The following TEX30 variants were observed in gnomAD, a reference collection of about 807,000 sequenced individuals.
The protein encoded by TEX30 is testis-expressed protein 30.
In TEX30, 14 loss-of-function variants were observed where a neutral mutation model predicts 23.8. That is an observed-to-expected ratio of 0.59 (90% CI 0.39 to 0.92). The LOEUF (loss-of-function observed/expected upper bound fraction) is 0.92, where lower values mean the gene tolerates loss of function less well. TEX30 is among the 40% of genes least tolerant of loss of function. The pLI, the probability that TEX30 is intolerant of heterozygous loss-of-function variation, is 0.00. For missense variants in TEX30, 246 were observed against 270.6 expected (o/e 0.91, Z 0.64); for synonymous variants, 78 against 90.2 (o/e 0.87, Z 0.76).
chr13:102,767,241 T>A, intron 5 of TEX30, 32 bp downstream of exon 5: 3 of 1,595,752 alleles, frequency 1.9e-6, no homozygotes, highest in Non-Finnish European at 2.6e-6. Context: ...TTCATTCTCT[T>A]TCATTGACAC....
intron 3 of TEX30, among the ~76,000 whole-genome samples, chr13:102,768,667 C>G (rs1877082947): frequency 6.6e-6 from 1 of 152,156 alleles, no homozygotes; most frequent in Non-Finnish European, 1.5e-5. Flanking sequence ...TTCTAAAAAA[C>G]TTATTAGTAA....
At chr13:102,769,592 G>A in intron 2 of TEX30, 51 bp from the exon 3 acceptor site, 1 of 1,139,554 alleles carries the variant, frequency 8.8e-7, no homozygotes, top group South Asian at 1.4e-5. Context: ...TGCCTATTAA[G>A]ACAACTGAAC....
At chr13:102,767,540 T>C in intron 4 of TEX30, 62 bp from the exon 5 acceptor site, 6 of 1,524,172 alleles carry the variant, frequency 3.9e-6, no homozygotes, top group Non-Finnish European at 5.4e-6. Flanking sequence ...GTAGCAGTGA[T>C]GGTGTGGCAA....
Position 102,766,540 on chromosome 13 carries a change from T to C in TEX30, c.545A>G (p.His182Arg), listed in dbSNP as rs748415836. The change falls in exon 6 of 6, where the codon CAT (histidine) becomes CGT (arginine). Residue 182 changes from histidine (H) to arginine (R), a missense_variant. Coordinates refer to ENST00000376032, the MANE Select transcript of TEX30 (RefSeq NM_138779.5). ...EKVAQKMQAPHKIHWIEKANH... is the reference protein window; with the variant it reads ...EKVAQKMQAPRKIHWIEKANH... ...TGCCTTCTCAATCCAGTGGATTTTATGGGGAGCTTGCATTTTCTGTGCCAC... is the reference window on the plus strand; with the variant it reads ...TGCCTTCTCAATCCAGTGGATTTTACGGGGAGCTTGCATTTTCTGTGCCAC... 1.9e-6 allele frequency: 3 copies of C among 1,613,666 alleles called. No individual in the cohort carries two copies. The highest frequency in any genetic ancestry group is 1.3e-5 in the African/African-American group (1 of 74,946).
At chr13:102,766,867 C>T (rs570412621) in intron 5 of TEX30, among the ~76,000 whole-genome samples, 27 of 152,102 alleles carry the variant, frequency 1.8e-4, no homozygotes, top group Admixed American at 4.6e-4. Flanking sequence ...AAATTATATG[C>T]CCTGGGGAAT....
intron 3 of TEX30, among the ~76,000 whole-genome samples, chr13:102,769,048 T>C (rs541856780): frequency 6.6e-5 from 10 of 152,296 alleles, no homozygotes; most frequent in African/African-American, 2.2e-4. Flanking sequence ...TAAAGTTACA[T>C]AATTCCAGGG....
At chr13:102,770,587 G>A (rs1231152033) in intron 1 of TEX30, 1 of 152,174 alleles carries the variant, frequency 6.6e-6, no homozygotes, top group Non-Finnish European at 1.5e-5. Flanking sequence ...TACGTAACTT[G>A]TTTTAACTAA....
chr13:102,773,136 A>G (rs79462053), intron 1 of TEX30, among the ~76,000 whole-genome samples: 2,677 of 152,348 alleles, frequency 0.018, 64 homozygotes, highest in African/African-American at 0.056. Context: ...TTTCAGTTAC[A>G]AACGTTCGTG....
At chr13:102,772,011 T>C (rs992412966) in intron 1 of TEX30, among the ~76,000 whole-genome samples, 5 of 152,222 alleles carry the variant, frequency 3.3e-5, no homozygotes, top group African/African-American at 9.7e-5. Context: ...CAGCGTTTCC[T>C]TTCCTATTCT....
chr13:102,773,786 C>A lies in TEX30; in HGVS notation c.-165G>T, dbSNP rs994807892. On this transcript the variant is annotated 5_prime_UTR_variant, in exon 1 of 6. Coordinates refer to ENST00000376032, the MANE Select transcript of TEX30 (RefSeq NM_138779.5). ...GCCTCGCCTGCCCCGCCACAGCGTTCGGCTACGACGCACGCGCGCGCAGGC... is the reference window on the plus strand; with the variant it reads ...GCCTCGCCTGCCCCGCCACAGCGTTAGGCTACGACGCACGCGCGCGCAGGC... The A allele has an allele frequency of 6.6e-6, 1 of 152,194 alleles. No homozygotes were observed. Among genetic ancestry groups the A allele is most frequent in the Non-Finnish European group, 1.5e-5 (1 of 68,024 alleles). The allele number at this position is 152,194 out of a possible 1,614,324, so 9.4% of individuals were successfully genotyped here. A position where few individuals can be genotyped will look rare whatever the true frequency, so the allele number is the denominator to read the frequency against.
intron 3 of TEX30, 32 bp from the exon 4 acceptor site, chr13:102,768,343 C>T (rs1384439950): frequency 4.0e-6 from 6 of 1,498,188 alleles, no homozygotes; most frequent in Non-Finnish European, 4.6e-6. Context: ...CAGTTCTTCA[C>T]CTATAAAATA....
At chr13:102,767,869 C>A (rs937653813) in intron 4 of TEX30, among the ~76,000 whole-genome samples, 1 of 151,930 alleles carries the variant, frequency 6.6e-6, no homozygotes, top group Non-Finnish European at 1.5e-5. Flanking sequence ...GCCGAGATGG[C>A]GCCACTGCAC....
intron 2 of TEX30, 164 bp downstream of exon 2, chr13:102,769,848 G>A: frequency 1.7e-6 from 1 of 573,600 alleles, no homozygotes; most frequent in Admixed American, 3.9e-5. Flanking sequence ...CGCTAGCTAG[G>A]ATTTAAACTC....
Position 102,769,537 on chromosome 13 carries a change from T to G in TEX30, c.20A>C (p.Lys7Thr). 1 of 1,572,258 alleles carries G rather than the reference T, an allele frequency of 6.4e-7. No individual in the cohort carries two copies. Residue 7 changes from lysine (K) to threonine (T), a missense_variant, in exon 3 of 6, where the codon AAA (lysine) becomes ACA (threonine). Physicochemically the swap from Lys to Thr is moderately conservative, Grantham distance 78. Coordinates refer to ENST00000376032, the MANE Select transcript of TEX30 (RefSeq NM_138779.5). MSHTEVKLKIPFGNKLL... is the reference protein window; with the variant it reads MSHTEVTLKIPFGNKLL... ...TTTATTTCCAAAAGGTATTTTTAAT[T>G]TAACCTGGAATTCAAGAGAATAAAG... is the stretch of plus-strand genomic sequence containing the variant.
chr13:102,769,257 T>C, intron 3 of TEX30, 54 bp downstream of exon 3: 1 of 1,223,370 alleles, frequency 8.2e-7, no homozygotes, highest in Non-Finnish European at 1.1e-6. Context: ...CTTACATTTA[T>C]TAAGGATTTC....
rs1280042506 is a variant in TEX30, at chr13:102,767,293, C to T, written c.484G>A (p.Ala162Thr). The T allele has an allele frequency of 2.5e-6, 4 of 1,613,656 alleles. No homozygotes were observed. In the African/African-American group the frequency reaches 5.3e-5, roughly 22 times the overall value. Residue 162 changes from alanine to threonine, a missense_variant, in exon 5 of 6, where the codon GCA (alanine) becomes ACA (threonine). Ala to Thr is a moderately conservative substitution (Grantham distance 58, BLOSUM62 0). Coordinates refer to ENST00000376032, the MANE Select transcript of TEX30 (RefSeq NM_138779.5). ...KEPVLFVSGS[A>T]DEMCEKNLLE... ...TTCACCTTTTCACACATTTCATCTG[C>T]TGAGCCTGACACAAACAGTACAGGC...
intron 1 of TEX30, among the ~76,000 whole-genome samples, chr13:102,771,003 G>T (rs894157653): frequency 3.3e-5 from 5 of 152,092 alleles, no homozygotes; most frequent in African/African-American, 9.7e-5. Flanking sequence ...CAATAACATG[G>T]TTTAAAGTTC....
At chr13:102,772,910 A>T (rs558632301) in intron 1 of TEX30, among the ~76,000 whole-genome samples, 1 of 152,350 alleles carries the variant, frequency 6.6e-6, no homozygotes, top group Non-Finnish European at 1.5e-5. Context: ...CAGAGAGGGC[A>T]GGGTTTGAAG....
In TEX30 at chr13:102,768,233, A is replaced by T. The variant is rs371841992; in HGVS notation, c.298+27T>A. ...ATTCCTATATTAAAACAGGTAATTA[A>T]CAAGTATTCACAAGTATTGCACTTA... On this transcript the variant is annotated intron_variant, in intron 4 of 5. Coordinates refer to ENST00000376032, the MANE Select transcript of TEX30 (RefSeq NM_138779.5). 1.9e-6 allele frequency: 3 copies of T among 1,552,720 alleles called. No individual in the cohort carries two copies. In the African/African-American group the frequency reaches 4.1e-5, roughly 21 times the overall value.
Sources: gnomAD v4.1 joint callset for allele counts (sites outside exome capture counted in the v4.1 genomes callset) on GRCh38, gnomAD v4.1.1 for gene constraint, MANE v1.5 for transcripts, NCBI Gene and HGNC (gene_info 2026-07-23, HGNC 2026-07-21) for gene names.